Variants in LSAMP observed in about 807,000 individuals in gnomAD.
LSAMP encodes limbic system associated membrane protein.
A neutral mutation model predicts 38.6 loss-of-function variants in LSAMP; 7 were observed. The observed-to-expected ratio is 0.18, with a 90% CI of 0.10 to 0.34. The LOEUF is 0.34. Ranked by LOEUF, LSAMP falls within the 10% of genes least tolerant of loss-of-function variation. The pLI, the probability that LSAMP is intolerant of heterozygous loss-of-function variation, is 1.00. For missense variants in LSAMP, 313 were observed against 420.0 expected, an observed-to-expected ratio of 0.75 and a Z score of 2.23; for synonymous variants, 154 against 166.8, an observed-to-expected ratio of 0.92 and a Z score of 0.59.
chr3:116,222,665 A>C (rs1278695972), intron 1 of LSAMP, among the ~76,000 whole-genome samples: 1 of 149,776 alleles, frequency 6.7e-6, no homozygotes, highest in Non-Finnish European at 1.5e-5. Flanking sequence ...TCTCTGAAGG[A>C]AATCAACATC....
intron 1 of LSAMP, among the ~76,000 whole-genome samples, chr3:116,386,486 T>G (rs906547139): frequency 6.6e-6 from 1 of 152,088 alleles, no homozygotes; most frequent in Non-Finnish European, 1.5e-5. Context: ...TCTCTTTCTC[T>G]AAGAGAGATG....
chr3:115,987,630 T>G (rs750742150), intron 3 of LSAMP, among the ~76,000 whole-genome samples: 25 of 152,166 alleles, frequency 1.6e-4, no homozygotes, highest in Non-Finnish European at 2.9e-4. Flanking sequence ...TAGAAAACAT[T>G]TATCAGATAG....
chr3:116,179,088 C>T (rs1710423279), intron 1 of LSAMP, among the ~76,000 whole-genome samples: 1 of 151,746 alleles, frequency 6.6e-6, no homozygotes, highest in African/African-American at 2.4e-5. Flanking sequence ...GCAGGATAAT[C>T]CCTATGATTG....
intron 1 of LSAMP, among the ~76,000 whole-genome samples, chr3:116,233,451 C>G (rs891957503): frequency 7.0e-6 from 1 of 142,278 alleles, no homozygotes; most frequent in Non-Finnish European, 1.5e-5. Flanking sequence ...CTAGGTAATA[C>G]TTATATATAA....
At chr3:116,119,117 T>G (rs1708817257) in intron 1 of LSAMP, among the ~76,000 whole-genome samples, 1 of 152,182 alleles carries the variant, frequency 6.6e-6, no homozygotes, top group East Asian at 1.9e-4. Context: ...GAGGTACTAT[T>G]TGCATAACAA....
chr3:116,415,610 C>G (rs1187678239), intron 1 of LSAMP, among the ~76,000 whole-genome samples: 3 of 152,044 alleles, frequency 2.0e-5, no homozygotes, highest in Non-Finnish European at 4.4e-5. Flanking sequence ...TTGGAGAGAG[C>G]TTGGCATCCC....
chr3:115,816,689 T>A lies in LSAMP; in HGVS notation c.920-6275A>T, dbSNP rs139199820. On this transcript the variant is annotated intron_variant, in intron 6 of 6. Coordinates refer to ENST00000490035, the MANE Select transcript of LSAMP (RefSeq NM_002338.5). ...AAGCAAAACAAAAACAAATAAAAAA[T>A]CTTTATCAATTAAGAAGAAACACAA... The A allele has an allele frequency of 3.4e-3, 4,021 of 1,166,660 alleles. 194 individuals carry two copies. In the Admixed American group the frequency reaches 0.089, roughly 26 times the overall value. 72.3% of individuals were successfully genotyped at this position (1,166,660 alleles called of 1,614,324 possible). A position where few individuals can be genotyped will look rare whatever the true frequency, so the allele number is the denominator to read the frequency against.
intron 3 of LSAMP, among the ~76,000 whole-genome samples, chr3:115,888,339 CA>C (rs1936509568): frequency 1.3e-5 from 2 of 151,726 alleles, no homozygotes; most frequent in African/African-American, 2.4e-5. Flanking sequence ...TTTCTATAAC[CA>C]CCCCAGGCCT....
At chr3:115,966,227 G>C (rs114895651) in intron 3 of LSAMP, among the ~76,000 whole-genome samples, 1 of 152,136 alleles carries the variant, frequency 6.6e-6, no homozygotes, top group African/African-American at 2.4e-5. Context: ...AACCATTTTC[G>C]ATCTTGACAG....
chr3:116,132,300 G>A lies in LSAMP; in HGVS notation c.156-45744C>T, dbSNP rs188713087. On this transcript the variant is annotated intron_variant, in intron 1 of 6. Transcript: ENST00000490035. ...CATCCCTGGAGGCCTTGAAAGACAA[G>A]CATCTTTAACCTGGTAGCACATACC... Among the ~76,000 whole-genome samples the A allele has an allele frequency of 4.0e-3, 606 of 150,860 alleles. 4 individuals carry two copies. The highest frequency in any genetic ancestry group is 0.014 in the African/African-American group (569 of 41,018).
At position 115,878,453 on chromosome 3, in the gene LSAMP, CTTTTTTTTTTT is replaced by C. The variant is rs3087024; in HGVS notation, c.515-25847_515-25837del. On this transcript the variant is annotated intron_variant, in intron 3 of 6. Coordinates refer to ENST00000490035, the MANE Select transcript of LSAMP (RefSeq NM_002338.5). ...CTTGATACTTTGAGAACATGCTATT[CTTTTTTTTTTT>C]TTTTTTTTTTTTTTTTTGACAGACT... 2.2e-4 allele frequency among the ~76,000 whole-genome samples: 12 copies of C among 55,538 alleles called. No homozygotes were observed. In the East Asian group the frequency reaches 5.8e-3, roughly 27 times the overall value. 36.4% of individuals were successfully genotyped at this position (55,538 alleles called of 152,430 possible).
chr3:116,311,495 C>T (rs1276627016), intron 1 of LSAMP, among the ~76,000 whole-genome samples: 1 of 152,148 alleles, frequency 6.6e-6, no homozygotes, highest in Non-Finnish European at 1.5e-5. Context: ...ATACTTCTGG[C>T]TTTTCAACCA....
intron 3 of LSAMP, among the ~76,000 whole-genome samples, chr3:115,944,943 T>G (rs538202196): frequency 1.6e-4 from 24 of 152,248 alleles, no homozygotes; most frequent in African/African-American, 5.8e-4. Context: ...CTTCCCCTTA[T>G]CTGTCTATCA....
Position 116,160,474 on chromosome 3 carries a change from G to T in LSAMP, c.156-73918C>A, listed in dbSNP as rs118017337. The stretch of plus-strand genomic sequence containing the variant: ...AGGAGAGAGAGAAAAGAAGAGAAAA[G>T]AGGAGAGGAGAGGAAAAGAGAAGAG... On this transcript the variant is annotated intron_variant, in intron 1 of 6. Coordinates refer to ENST00000490035, the MANE Select transcript of LSAMP (RefSeq NM_002338.5). Among the ~76,000 whole-genome samples the T allele has an allele frequency of 1.3e-3, 195 of 151,422 alleles. 8 individuals carry two copies. The East Asian group carries it at 0.036, about 28-fold the overall frequency.
At chr3:115,966,153 T>C (rs1938806082) in intron 3 of LSAMP, among the ~76,000 whole-genome samples, 1 of 152,230 alleles carries the variant, frequency 6.6e-6, no homozygotes. Flanking sequence ...GAAGGGACTA[T>C]GCACCTATTG....
intron 3 of LSAMP, among the ~76,000 whole-genome samples, chr3:115,958,755 A>G (rs1938533177): frequency 6.6e-6 from 1 of 152,164 alleles, no homozygotes; most frequent in Non-Finnish European, 1.5e-5. Flanking sequence ...TCATTTCTCC[A>G]GGCAAGTAGA....
intron 1 of LSAMP, among the ~76,000 whole-genome samples, chr3:116,240,497 A>G (rs1184583038): frequency 6.6e-6 from 1 of 152,200 alleles, no homozygotes; most frequent in Non-Finnish European, 1.5e-5. Flanking sequence ...CGTTTGTACT[A>G]AGTATGGTTG....
intron 1 of LSAMP, among the ~76,000 whole-genome samples, chr3:116,196,161 C>T (rs948622822): frequency 2.8e-4 from 42 of 152,084 alleles, no homozygotes; most frequent in Middle Eastern, 3.4e-3. Flanking sequence ...TTTTTATATG[C>T]GGAGGTCTTT....
At chr3:115,973,136 A>C (rs751655661) in intron 3 of LSAMP, among the ~76,000 whole-genome samples, 1 of 152,150 alleles carries the variant, frequency 6.6e-6, no homozygotes, top group Non-Finnish European at 1.5e-5. Context: ...ATGTTATTTT[A>C]AGGAGTTTGG....
Sources: gnomAD v4.1 joint callset for allele counts (sites outside exome capture counted in the v4.1 genomes callset) on GRCh38, gnomAD v4.1.1 for gene constraint, MANE v1.5 for transcripts, NCBI Gene and HGNC (gene_info 2026-07-23, HGNC 2026-07-21) for gene names.